ERC2: variants seen among roughly 807,000 people sequenced by gnomAD.
ERC2 encodes ERC protein 2.
Under a neutral mutation model 114.8 loss-of-function variants are expected in ERC2, and 42 were observed. The observed-to-expected ratio is 0.37, with a 90% CI of 0.29 to 0.47. ERC2 has a LOEUF of 0.47. ERC2 is among the 20% of genes least tolerant of loss of function. The pLI is 0.99. For synonymous variants in ERC2, 454 were observed against 425.5 expected (o/e 1.07, Z -0.82); for missense variants, 939 against 1,150.7 (o/e 0.82, Z 2.66).
intron 15 of ERC2, among the ~76,000 whole-genome samples, chr3:55,716,555 C>T (rs2064131873): frequency 6.6e-6 from 1 of 152,188 alleles, no homozygotes; most frequent in African/African-American, 2.4e-5. Context: ...CAAAAGGCAT[C>T]AGCAAGCCGC....
intron 17 of ERC2, among the ~76,000 whole-genome samples, chr3:55,547,651 C>A (rs1160985288): frequency 6.6e-6 from 1 of 152,056 alleles, no homozygotes; most frequent in Admixed American, 6.6e-5. Flanking sequence ...GTCTCAGAGA[C>A]CAGGGGAGAA....
chr3:56,132,670 T>C (rs1190202480), intron 6 of ERC2, among the ~76,000 whole-genome samples: 1 of 152,208 alleles, frequency 6.6e-6, no homozygotes, highest in Non-Finnish European at 1.5e-5. Flanking sequence ...TTACTATAAA[T>C]GTACGACATG....
At chr3:55,963,044 T>C (rs533690836) in intron 12 of ERC2, among the ~76,000 whole-genome samples, 1 of 152,316 alleles carries the variant, frequency 6.6e-6, no homozygotes, top group South Asian at 2.1e-4. Flanking sequence ...TTGGGAACAT[T>C]AGCTTTCCAC....
chr3:56,162,030 T>C (rs1162082400), intron 4 of ERC2, among the ~76,000 whole-genome samples: 1 of 152,212 alleles, frequency 6.6e-6, no homozygotes, highest in East Asian at 1.9e-4. Flanking sequence ...TTGTCATAGA[T>C]GGCTCTTATT....
chr3:55,866,948 T>C (rs1440163741), intron 14 of ERC2, among the ~76,000 whole-genome samples: 1 of 152,164 alleles, frequency 6.6e-6, no homozygotes. Context: ...GATGGTTATA[T>C]AATTTTATAT....
At chr3:56,461,047 T>C (rs1021924454) in intron 1 of ERC2, among the ~76,000 whole-genome samples, 25 of 151,670 alleles carry the variant, frequency 1.6e-4, no homozygotes, top group African/African-American at 6.0e-4. Context: ...ACAATATGTC[T>C]TCAGGAACTT....
At chr3:55,600,883 G>A (rs995720955) in intron 17 of ERC2, among the ~76,000 whole-genome samples, 4 of 152,262 alleles carry the variant, frequency 2.6e-5, no homozygotes, top group African/African-American at 9.6e-5. Flanking sequence ...CCTGGGTGAT[G>A]AGCTGCTGAT....
At chr3:55,865,537 G>A (rs569168255) in intron 14 of ERC2, among the ~76,000 whole-genome samples, 1 of 152,060 alleles carries the variant, frequency 6.6e-6, no homozygotes, top group South Asian at 2.1e-4. Context: ...ACAGAATTGT[G>A]AAAACATCAC....
At chr3:56,000,700 TG>T (rs1215073420) in intron 10 of ERC2, among the ~76,000 whole-genome samples, 1 of 152,050 alleles carries the variant, frequency 6.6e-6, no homozygotes, top group Non-Finnish European at 1.5e-5. Context: ...AAGCATGCTT[TG>T]GTGGAATTCC....
chr3:56,314,256 T>G (rs2056760335), intron 2 of ERC2, among the ~76,000 whole-genome samples: 1 of 152,138 alleles, frequency 6.6e-6, no homozygotes, highest in South Asian at 2.1e-4. Flanking sequence ...CTGTGGGATA[T>G]TGGCAGGTTA....
In ERC2 at chr3:55,850,850, A is replaced by ACACACG. The variant is rs1177610411; in HGVS notation, c.2564+37538_2564+37539insCGTGTG. On this transcript the variant is annotated intron_variant, in intron 14 of 17. Transcript: ENST00000288221. Reference sequence around the variant, plus strand: ...TTTCTAGATACTCTTTTTCAAACACACACACACACACACACACACACACAC... The same window carrying ACACACG: ...TTTCTAGATACTCTTTTTCAAACACACACACGCACACACACACACACACACACACAC... Among the ~76,000 whole-genome samples, 51 of 141,092 alleles carry ACACACG rather than the reference A, an allele frequency of 3.6e-4. 1 individual carries two copies. Among genetic ancestry groups the ACACACG allele is most frequent in the Non-Finnish European group, 6.0e-4 (39 of 65,094 alleles). 92.6% of individuals were successfully genotyped at this position (141,092 alleles called of 152,430 possible).
At chr3:56,338,186 A>G (rs1189180015) in intron 2 of ERC2, among the ~76,000 whole-genome samples, 1 of 152,266 alleles carries the variant, frequency 6.6e-6, no homozygotes, top group African/African-American at 2.4e-5. Context: ...ACAGGAAAGG[A>G]GAACACAGAA....
chr3:55,864,172 T>TATATATATACACATATATATATATACAC (rs1575912435), intron 14 of ERC2, among the ~76,000 whole-genome samples: 3 of 113,488 alleles, frequency 2.6e-5, no homozygotes, highest in East Asian at 2.1e-4. Flanking sequence ...TATATACACA[T>TATATATATACACATATATATATATACAC]ATATATATAC....
chr3:55,559,581 TC>T (rs1375996748), intron 17 of ERC2, among the ~76,000 whole-genome samples: 2 of 152,176 alleles, frequency 1.3e-5, no homozygotes, highest in Admixed American at 1.3e-4. Flanking sequence ...AGACTGGAAG[TC>T]CCCAATGGAT....
rs77346457 is a variant in ERC2 at position 55,554,180 on chromosome 3, T to C, written c.*40-42904A>G. 2.6e-5 allele frequency among the ~76,000 whole-genome samples: 4 copies of C among 152,288 alleles called. No homozygotes were observed. The East Asian group carries it at 7.7e-4, about 29-fold the overall frequency. On this transcript the variant is annotated intron_variant, in intron 17 of 17. Transcript: ENST00000288221. ...AGGGTGTAGACGACCTGGACTATCT[T>C]ACCATCCATGAAGGCAAGCGCTTTC...
intron 2 of ERC2, among the ~76,000 whole-genome samples, chr3:56,361,439 T>C (rs1362573412): frequency 6.6e-6 from 1 of 151,884 alleles, no homozygotes; most frequent in Non-Finnish European, 1.5e-5. Context: ...AAAACATACA[T>C]AAAGTAAGAA....
At chr3:55,995,220 C>A (rs1410765284) in intron 10 of ERC2, among the ~76,000 whole-genome samples, 2 of 152,140 alleles carry the variant, frequency 1.3e-5, no homozygotes, top group African/African-American at 4.8e-5. Flanking sequence ...GTAGTCCCAG[C>A]TATTCAGGAG....
At chr3:55,740,100 T>TA (rs1391595887) in intron 14 of ERC2, among the ~76,000 whole-genome samples, 3 of 152,104 alleles carry the variant, frequency 2.0e-5, no homozygotes, top group South Asian at 2.1e-4. Context: ...CATAATACCA[T>TA]AAAAAATCCC....
chr3:56,317,942 G>C (rs2056946495), intron 2 of ERC2, among the ~76,000 whole-genome samples: 1 of 152,178 alleles, frequency 6.6e-6, no homozygotes, highest in Non-Finnish European at 1.5e-5. Flanking sequence ...GATATTTTCA[G>C]AGAAGAAGAT....
Sources: gnomAD v4.1 joint callset for allele counts (sites outside exome capture counted in the v4.1 genomes callset) on GRCh38, gnomAD v4.1.1 for gene constraint, MANE v1.5 for transcripts, NCBI Gene and HGNC (gene_info 2026-07-23, HGNC 2026-07-21) for gene names.